ZNF106: variants seen among roughly 807,000 people sequenced by gnomAD.
ZNF106 encodes the protein SH3-domain binding protein 3.
ZNF106 carries 67 observed loss-of-function variants against 195.1 expected under a neutral mutation model. The observed-to-expected ratio is 0.34, with a 90% CI of 0.28 to 0.42. The LOEUF (loss-of-function observed/expected upper bound fraction) is 0.42. Among genes scored for constraint, ZNF106 ranks in the 10% least tolerant of loss-of-function variants. ZNF106 has a pLI of 1.00. For missense variants in ZNF106, 2,118 were observed against 2,304.5 expected (o/e 0.92, Z 1.66); for synonymous variants, 784 against 818.6 (o/e 0.96, Z 0.72).
At chr15:42,472,399 CAA>C in intron 1 of ZNF106, 78 bp from the exon 2 acceptor site, 1 of 1,049,326 alleles carries the variant, frequency 9.5e-7, no homozygotes, top group Non-Finnish European at 1.4e-6. Flanking sequence ...ACCAAAATTA[CAA>C]GTCTTATCTT....
Position 42,417,841 on chromosome 15 carries a change from G to A in ZNF106, c.5628C>T (p.Cys1876=), listed in dbSNP as rs201113453. 4.4e-4 allele frequency: 707 copies of A among 1,613,884 alleles called. 1 individual carries two copies. Among genetic ancestry groups the A allele is most frequent in the African/African-American group, 1.7e-3 (128 of 75,004 alleles). Residue 1876 remains cysteine, a synonymous_variant, in exon 21 of 22, where the codon TGC becomes TGT. Transcript: ENST00000564754. ...CTTTCCTAGCAGTGAAAAAAGCATCGCAGTTCTTCCAGCGACATTTCAGAG... is the reference window on the plus strand; with the variant it reads ...CTTTCCTAGCAGTGAAAAAAGCATCACAGTTCTTCCAGCGACATTTCAGAG... ...FQTLKCRWKN[C]DAFFTARKGS...
chr15:42,444,003 A>C (rs568258709), intron 9 of ZNF106, among the ~76,000 whole-genome samples, 199 bp downstream of exon 9: 1 of 151,196 alleles, frequency 6.6e-6, no homozygotes, highest in Admixed American at 6.6e-5. Context: ...ATTCCAGCTA[A>C]TCAAATGCTG....
intron 16 of ZNF106, 81 bp from the exon 17 acceptor site, chr15:42,424,141 T>G (rs766336005): frequency 3.1e-5 from 38 of 1,217,722 alleles, no homozygotes; most frequent in Non-Finnish European, 4.4e-5. Context: ...ATTGGCAAAT[T>G]CTAATTTCCA....
chr15:42,487,065 G>A (rs952020191), intron 1 of ZNF106, among the ~76,000 whole-genome samples: 7 of 152,092 alleles, frequency 4.6e-5, no homozygotes, highest in African/African-American at 1.7e-4. Flanking sequence ...CAGAAGAATC[G>A]CTTGAACCTG....
In ZNF106 at chr15:42,451,072, T is replaced by G. The variant is rs769751238; in HGVS notation, c.1200A>C (p.Lys400Asn). 6.2e-7 allele frequency: 1 copy of G among 1,614,200 alleles called. No individual in the cohort carries two copies. Among genetic ancestry groups the G allele is most frequent in the East Asian group, 2.2e-5 (1 of 44,886 alleles). ...TTATCAAGCTAAAATCAAAGAGAGG[T>G]TTCTCTATCATTTCTGACTTGTTAC... ...ITGNKSEMIEKPLFDFSLITT... is the reference protein window; with the variant it reads ...ITGNKSEMIENPLFDFSLITT... Residue 400 changes from lysine to asparagine, a missense_variant, in exon 5 of 22, where the codon AAA becomes AAC. Lys to Asn is a moderately conservative substitution (Grantham distance 94). Transcript: ENST00000564754.
intron 14 of ZNF106, among the ~76,000 whole-genome samples, chr15:42,429,652 A>T (rs2054984567): frequency 3.9e-5 from 6 of 151,990 alleles, no homozygotes; most frequent in African/African-American, 1.5e-4. Context: ...CCCCTGAAAA[A>T]ATCACAAACA....
In ZNF106 at chr15:42,413,577, T is replaced by A. The variant is rs921517340; in HGVS notation, c.*3727A>T. On this transcript the variant is annotated 3_prime_UTR_variant, in exon 22 of 22. Coordinates refer to ENST00000564754, the MANE Select transcript of ZNF106 (RefSeq NM_001366845.3). ...TAAACCATTCCACTAAGTATATACC[T>A]ACTCCCACCAAATCATCCACATGCC... is the stretch of plus-strand genomic sequence containing the variant. 6.6e-6 allele frequency: 1 copy of A among 152,638 alleles called. No homozygotes were observed. The highest frequency in any genetic ancestry group is 2.4e-5 in the African/African-American group (1 of 41,442). 9.5% of individuals were successfully genotyped at this position (152,638 alleles called of 1,614,324 possible). A position where few individuals can be genotyped will look rare whatever the true frequency, so the allele number is the denominator to read the frequency against.
At position 42,413,423 on chromosome 15, in the gene ZNF106, G is replaced by C. The variant is rs541324076; in HGVS notation, c.*3881C>G. ...CGTAATTCTAGAAGCTCCCGTTTAG[G>C]TAACAGAAACAAAATTTAGATGTAA... is the stretch of plus-strand genomic sequence containing the variant. On this transcript the variant is annotated 3_prime_UTR_variant, in exon 22 of 22. Coordinates refer to ENST00000564754, the MANE Select transcript of ZNF106 (RefSeq NM_001366845.3). The C allele has an allele frequency of 6.6e-6, 1 of 152,474 alleles. No homozygotes were observed. The highest frequency in any genetic ancestry group is 2.1e-4 in the South Asian group (1 of 4,830). The allele number at this position is 152,474 out of a possible 1,614,324, so 9.4% of individuals were successfully genotyped here. A position where few individuals can be genotyped will look rare whatever the true frequency, so the allele number is the denominator to read the frequency against.
chr15:42,466,192 C>G, intron 2 of ZNF106, 78 bp from the exon 3 acceptor site: 1 of 1,176,986 alleles, frequency 8.5e-7, no homozygotes, highest in East Asian at 2.8e-5. Context: ...CCTCCTCAAT[C>G]AAAAATTGGG....
chr15:42,483,697 A>C lies in ZNF106; in HGVS notation c.-33+7283T>G, dbSNP rs112329469. Among the ~76,000 whole-genome samples the C allele has an allele frequency of 3.6e-3, 552 of 152,312 alleles. 4 individuals are homozygous for C. Among genetic ancestry groups the C allele is most frequent in the African/African-American group, 0.013 (523 of 41,572 alleles). ...AGGCCCGCTTGACACAACCCTTGCT[A>C]ATGTGTATTACATAGGTTTGAGCTA... On this transcript the variant is annotated intron_variant, in intron 1 of 21. Coordinates refer to ENST00000564754, the MANE Select transcript of ZNF106 (RefSeq NM_001366845.3).
Position 42,428,055 on chromosome 15 carries a change from C to A in ZNF106, c.4961G>T (p.Gly1654Val). The A allele has an allele frequency of 6.2e-7, 1 of 1,614,104 alleles. No homozygotes were observed. The highest frequency in any genetic ancestry group is 1.1e-5 in the South Asian group (1 of 91,070). ...LHSRWRILYA[G>V]LANGTVVTFN... ...GGTGACCACAGTGCCATTTGCCAGTCCCGCATAGAGGATTCGCCATCTACT... is the reference window on the plus strand; with the variant it reads ...GGTGACCACAGTGCCATTTGCCAGTACCGCATAGAGGATTCGCCATCTACT... The change falls in exon 15 of 22, where the codon GGA (glycine) becomes GTA (valine). Residue 1654 changes from glycine to valine, a missense_variant. Physicochemically the swap from Gly to Val is moderately radical, Grantham distance 109 (BLOSUM62 -3). Transcript: ENST00000564754.
At chr15:42,428,604 C>T (rs2054938621) in intron 14 of ZNF106, among the ~76,000 whole-genome samples, 1 of 152,162 alleles carries the variant, frequency 6.6e-6, no homozygotes, top group Admixed American at 6.5e-5. Context: ...GTTAGCTGGG[C>T]TAAATTACTC....
chr15:42,419,651 AT>A, intron 20 of ZNF106, among the ~76,000 whole-genome samples: 1 of 152,052 alleles, frequency 6.6e-6, no homozygotes, highest in Non-Finnish European at 1.5e-5. Context: ...ACACATGTTT[AT>A]TTCTTAAAAG....
At chr15:42,419,204 C>T (rs1385204728) in intron 20 of ZNF106, among the ~76,000 whole-genome samples, 1 of 151,858 alleles carries the variant, frequency 6.6e-6, no homozygotes, top group Non-Finnish European at 1.5e-5. Flanking sequence ...CCTGACTCTA[C>T]TGAAAATACA....
chr15:42,461,189 C>T (rs954809840), intron 3 of ZNF106, among the ~76,000 whole-genome samples: 1 of 152,206 alleles, frequency 6.6e-6, no homozygotes, highest in African/African-American at 2.4e-5. Flanking sequence ...CATGCTTCAA[C>T]ATAGTGTTTG....
chr15:42,440,551 A>G (rs935433381), intron 10 of ZNF106, among the ~76,000 whole-genome samples: 1 of 152,206 alleles, frequency 6.6e-6, no homozygotes, highest in Non-Finnish European at 1.5e-5. Flanking sequence ...TACAAGTTCT[A>G]CATGTAAACA....
chr15:42,458,201 A>T (rs931316407), intron 3 of ZNF106, among the ~76,000 whole-genome samples: 2 of 144,888 alleles, frequency 1.4e-5, no homozygotes, highest in Non-Finnish European at 3.0e-5. Flanking sequence ...CCAATCTATT[A>T]AAAAAAAAAC....
At chr15:42,435,918 G>T (rs1477723717) in intron 13 of ZNF106, among the ~76,000 whole-genome samples, 1 of 151,724 alleles carries the variant, frequency 6.6e-6, no homozygotes, top group Non-Finnish European at 1.5e-5. Context: ...ATTCAAAAAC[G>T]TCAGGTGCTA....
intron 1 of ZNF106, among the ~76,000 whole-genome samples, chr15:42,488,599 C>G (rs2057067325): frequency 2.0e-5 from 3 of 152,142 alleles, no homozygotes; most frequent in African/African-American, 7.2e-5. Context: ...AAGATACTCC[C>G]AATTACAAAA....
Sources: gnomAD v4.1 joint callset for allele counts (sites outside exome capture counted in the v4.1 genomes callset) on GRCh38, gnomAD v4.1.1 for gene constraint, MANE v1.5 for transcripts, NCBI Gene and HGNC (gene_info 2026-07-23, HGNC 2026-07-21) for gene names.